IL1RAP: variants seen among roughly 807,000 people sequenced by gnomAD.
IL1RAP encodes the protein interleukin-1 receptor accessory protein.
IL1RAP carries 35 observed loss-of-function variants against 60.7 expected under a neutral mutation model. The ratio of observed to expected loss-of-function variants is 0.58; its 90% CI spans 0.44 to 0.76. The LOEUF is 0.76. IL1RAP is among the 30% of genes least tolerant of loss of function. IL1RAP has a pLI of 0.00. For synonymous variants in IL1RAP, 268 were observed against 250.9 expected, an observed-to-expected ratio of 1.07 and a Z score of -0.64; for missense variants, 572 against 693.9, an observed-to-expected ratio of 0.82 and a Z score of 1.97.
At chr3:190,615,842 G>T (rs1353848449) in intron 5 of IL1RAP, among the ~76,000 whole-genome samples, 1 of 152,078 alleles carries the variant, frequency 6.6e-6, no homozygotes, top group Non-Finnish European at 1.5e-5. Context: ...CTTCTTGTTG[G>T]CATAGAGATA....
chr3:190,652,354 C>T (rs566143973), downstream of IL1RAP, among the ~76,000 whole-genome samples: 2 of 151,584 alleles, frequency 1.3e-5, no homozygotes, highest in South Asian at 2.1e-4. Flanking sequence ...CCCAGCTACT[C>T]GGGAGGCTAA....
chr3:190,608,579 C>T (rs142050438), intron 4 of IL1RAP, among the ~76,000 whole-genome samples: 4 of 152,168 alleles, frequency 2.6e-5, no homozygotes, highest in East Asian at 1.9e-4. Flanking sequence ...TCACCAAAAA[C>T]GTGAATAATA....
intron 5 of IL1RAP, among the ~76,000 whole-genome samples, chr3:190,619,944 A>C (rs1263993094): frequency 1.3e-5 from 2 of 152,106 alleles, no homozygotes; most frequent in Non-Finnish European, 2.9e-5. Context: ...GCAGTTGCTC[A>C]AGTTTCCTTA....
intron 1 of IL1RAP, among the ~76,000 whole-genome samples, chr3:190,515,357 T>A (rs1413294757): frequency 3.3e-5 from 5 of 152,162 alleles, no homozygotes; most frequent in African/African-American, 1.2e-4. Flanking sequence ...GCCTGGCATC[T>A]GGTTGGTTCA....
intron 9 of IL1RAP, among the ~76,000 whole-genome samples, chr3:190,636,484 T>A (rs1733233077): frequency 6.6e-6 from 1 of 152,156 alleles, no homozygotes; most frequent in South Asian, 2.1e-4. Flanking sequence ...GTTAATACTC[T>A]GTGTCTAATA....
intron 3 of IL1RAP, among the ~76,000 whole-genome samples, chr3:190,580,941 GGCA>G (rs1727944948): frequency 6.6e-6 from 1 of 152,104 alleles, no homozygotes; most frequent in Non-Finnish European, 1.5e-5. Flanking sequence ...CCTCACTTTA[GGCA>G]CATCAAATAT....
At chr3:190,565,012 A>G (rs1726250301) in intron 3 of IL1RAP, among the ~76,000 whole-genome samples, 1 of 152,138 alleles carries the variant, frequency 6.6e-6, no homozygotes, top group Non-Finnish European at 1.5e-5. Flanking sequence ...TCTATCTCTG[A>G]CTATTAATCA....
In IL1RAP at chr3:190,599,701, G is replaced by GTTT. The variant is rs1191544633; in HGVS notation, c.65-4414_65-4412dup. Among the ~76,000 whole-genome samples, 50 of 135,032 alleles carry GTTT rather than the reference G, an allele frequency of 3.7e-4. 1 individual carries two copies. Among genetic ancestry groups the GTTT allele is most frequent in the East Asian group, 3.2e-3 (15 of 4,616 alleles). 88.6% of individuals were successfully genotyped at this position (135,032 alleles called of 152,430 possible). On this transcript the variant is annotated intron_variant, in intron 3 of 11. Coordinates refer to ENST00000447382, the MANE Select transcript of IL1RAP (RefSeq NM_002182.4). ...ATTGAGAACTTTCTTGGTATTTTGG[G>GTTT]TTTTTTTTTTTTTTTGAAAGGTGTG...
At chr3:190,621,640 T>A (rs1731789542) in intron 6 of IL1RAP, among the ~76,000 whole-genome samples, 2 of 152,244 alleles carry the variant, frequency 1.3e-5, no homozygotes, top group South Asian at 4.1e-4. Flanking sequence ...CACAAGTTTG[T>A]TGTTTTAAAG....
chr3:190,615,533 A>G (rs34581855), intron 5 of IL1RAP, among the ~76,000 whole-genome samples: 103,923 of 152,096 alleles, frequency 0.68, 36,021 homozygotes, highest in East Asian at 0.83. Context: ...GAGGATCAAA[A>G]GAACCATTTT....
In IL1RAP at chr3:190,564,167, A is replaced by G. The variant is rs1726159378; in HGVS notation, c.-1-122A>G. On this transcript the variant is annotated intron_variant, in intron 2 of 11. Coordinates refer to ENST00000447382, the MANE Select transcript of IL1RAP (RefSeq NM_002182.4). ...TTGGTTCTGACAATGAAATTTGTTAATATTGTAAAATTCTTAGAACAGTCC... is the reference window on the plus strand; with the variant it reads ...TTGGTTCTGACAATGAAATTTGTTAGTATTGTAAAATTCTTAGAACAGTCC... 4.7e-6 allele frequency: 3 copies of G among 638,508 alleles called. No homozygotes were observed. In the South Asian group the frequency reaches 5.6e-5, roughly 12 times the overall value. 39.6% of individuals were successfully genotyped at this position (638,508 alleles called of 1,614,324 possible).
intron 3 of IL1RAP, among the ~76,000 whole-genome samples, chr3:190,594,318 A>T (rs534881279): frequency 6.6e-6 from 1 of 152,328 alleles, no homozygotes; most frequent in South Asian, 2.1e-4. Context: ...AGAGGTGGAA[A>T]GTTCAGGGCT....
chr3:190,605,472 G>A (rs185123812), intron 4 of IL1RAP, among the ~76,000 whole-genome samples: 4 of 152,162 alleles, frequency 2.6e-5, no homozygotes, highest in Admixed American at 2.0e-4. Context: ...GCTTGCCTTT[G>A]TTTTCTAAAC....
intron 3 of IL1RAP, 179 bp downstream of exon 3, chr3:190,564,532 G>T: frequency 1.6e-6 from 1 of 618,198 alleles, no homozygotes; most frequent in Admixed American, 2.5e-5. Context: ...AACCATTGCT[G>T]TCTCTAGTCT....
chr3:190,621,999 A>G (rs538404171), intron 6 of IL1RAP, among the ~76,000 whole-genome samples: 8 of 145,262 alleles, frequency 5.5e-5, no homozygotes, highest in African/African-American at 1.6e-4. Flanking sequence ...ACTGGTAACT[A>G]GTCATCAAGT....
chr3:190,571,784 C>T (rs1351481946), intron 3 of IL1RAP, among the ~76,000 whole-genome samples: 2 of 152,182 alleles, frequency 1.3e-5, no homozygotes, highest in Non-Finnish European at 2.9e-5. Flanking sequence ...CCAAAACGGC[C>T]TTGAATATGG....
intron 4 of IL1RAP, among the ~76,000 whole-genome samples, chr3:190,608,633 T>C (rs145787891): frequency 3.7e-4 from 56 of 151,604 alleles, no homozygotes; most frequent in African/African-American, 1.2e-3. Flanking sequence ...CAATAAACAA[T>C]AGAAATTCTT....
chr3:190,582,577 C>A (rs1728100371), intron 3 of IL1RAP, among the ~76,000 whole-genome samples: 1 of 152,136 alleles, frequency 6.6e-6, no homozygotes, highest in African/African-American at 2.4e-5. Flanking sequence ...CTCGGCCTCC[C>A]AAAGTGCTGG....
At chr3:190,519,932 G>T (rs1054023620) in intron 1 of IL1RAP, among the ~76,000 whole-genome samples, 9 of 152,118 alleles carry the variant, frequency 5.9e-5, no homozygotes, top group African/African-American at 2.2e-4. Context: ...TGAAATTAAA[G>T]AAAGATAGAG....
Sources: allele counts gnomAD v4.1 joint callset (sites outside exome capture counted in the v4.1 genomes callset), GRCh38; gene constraint gnomAD v4.1.1; transcripts MANE v1.5; gene names NCBI Gene and HGNC (gene_info 2026-07-23, HGNC 2026-07-21).